ST8SIA6: variants seen among roughly 807,000 people sequenced by gnomAD.
ST8SIA6 encodes the protein ST8 alpha-N-acetyl-neuraminide alpha-2,8-sialyltransferase 6.
A neutral mutation model predicts 33.6 loss-of-function variants in ST8SIA6; 39 were observed. That is an observed-to-expected ratio of 1.16 (90% CI 0.90 to 1.52). ST8SIA6 has a LOEUF of 1.52. Ranked by LOEUF, ST8SIA6 falls within the 40% of genes most tolerant of loss-of-function variation. The pLI, the probability that ST8SIA6 is intolerant of heterozygous loss-of-function variation, is 0.00. For synonymous variants in ST8SIA6, 172 were observed against 167.2 expected (o/e 1.03, Z -0.22); for missense variants, 441 against 443.8 (o/e 0.99, Z 0.06).
At chr10:17,410,086 A>G (rs1851402506) in intron 2 of ST8SIA6, 1 of 152,202 alleles carries the variant, frequency 6.6e-6, no homozygotes, top group Admixed American at 6.5e-5. Flanking sequence ...CAGAATCCTA[A>G]TATGCTGGTT....
intron 2 of ST8SIA6, chr10:17,398,989 G>T (rs1850929648): frequency 6.6e-6 from 1 of 152,182 alleles, no homozygotes; most frequent in African/African-American, 2.4e-5. Flanking sequence ...AAGCATCGTA[G>T]TCTACTGCAT....
At chr10:17,402,897 A>C (rs1319940443) in intron 2 of ST8SIA6, among the ~76,000 whole-genome samples, 4 of 152,218 alleles carry the variant, frequency 2.6e-5, no homozygotes, top group Non-Finnish European at 5.9e-5. Context: ...CACATTATGC[A>C]CATGTACCCT....
At chr10:17,420,781 G>A (rs1380044288) in intron 2 of ST8SIA6, among the ~76,000 whole-genome samples, 1 of 152,190 alleles carries the variant, frequency 6.6e-6, no homozygotes, top group African/African-American at 2.4e-5. Flanking sequence ...AGAACTGCCT[G>A]AGACTGGGTA....
intron 2 of ST8SIA6, among the ~76,000 whole-genome samples, chr10:17,416,926 T>A (rs1490439694): frequency 1.3e-5 from 2 of 152,206 alleles, no homozygotes; most frequent in African/African-American, 4.8e-5. Context: ...ATAACCTGAC[T>A]TAGTAGGTCT....
rs117655833 is a variant in ST8SIA6 at position 17,384,184 on chromosome 10, G to C, written c.290+6347C>G. 9.3e-4 allele frequency among the ~76,000 whole-genome samples: 141 copies of C among 152,278 alleles called. 1 individual carries two copies. In the East Asian group the frequency reaches 0.017, roughly 18 times the overall value. The stretch of plus-strand genomic sequence containing the variant: ...ATTTTGTGTACACAGTCCCTGTACA[G>C]GGTTTCTGACCTGTGGTAAAAACAG... On this transcript the variant is annotated intron_variant, in intron 3 of 7. Coordinates refer to ENST00000377602, the MANE Select transcript of ST8SIA6 (RefSeq NM_001004470.3).
chr10:17,402,073 A>G (rs1387067706), intron 2 of ST8SIA6, among the ~76,000 whole-genome samples: 3 of 152,224 alleles, frequency 2.0e-5, no homozygotes, highest in Non-Finnish European at 2.9e-5. Context: ...AAAGAACACA[A>G]ACAAATTTAC....
chr10:17,350,369 G>T (rs1161644890), intron 4 of ST8SIA6, among the ~76,000 whole-genome samples: 2 of 147,414 alleles, frequency 1.4e-5, no homozygotes, highest in Non-Finnish European at 3.0e-5. Context: ...GAATCGACTG[G>T]CTCACAATGA....
intron 2 of ST8SIA6, among the ~76,000 whole-genome samples, chr10:17,427,103 GA>G (rs60070400): frequency 6.2e-4 from 83 of 133,534 alleles, no homozygotes; most frequent in African/African-American, 8.6e-4. Flanking sequence ...GACTGTGTCT[GA>G]AAAAAAAAAA....
chr10:17,424,105 CTTTT>C (rs112889595), intron 2 of ST8SIA6, among the ~76,000 whole-genome samples: 2 of 140,488 alleles, frequency 1.4e-5, no homozygotes, highest in Non-Finnish European at 1.6e-5. Context: ...TTTCCAAATT[CTTTT>C]TTTTTTTTTT....
At chr10:17,424,268 T>A (rs1851866443) in intron 2 of ST8SIA6, among the ~76,000 whole-genome samples, 1 of 152,086 alleles carries the variant, frequency 6.6e-6, no homozygotes, top group Non-Finnish European at 1.5e-5. Flanking sequence ...CATGCCCAGC[T>A]AATTTTTGTA....
chr10:17,327,819 A>C (rs1011057151), intron 5 of ST8SIA6, among the ~76,000 whole-genome samples: 9 of 151,692 alleles, frequency 5.9e-5, no homozygotes, highest in African/African-American at 2.2e-4. Context: ...AGGTAGGGGA[A>C]TCACTTGAAC....
At chr10:17,387,533 C>G (rs369741902) in intron 3 of ST8SIA6, among the ~76,000 whole-genome samples, 1 of 151,574 alleles carries the variant, frequency 6.6e-6, no homozygotes, top group East Asian at 1.9e-4. Context: ...TCCCAAAGTG[C>G]TAGGATTACA....
intron 3 of ST8SIA6, among the ~76,000 whole-genome samples, chr10:17,386,553 A>C (rs1183348034): frequency 1.3e-5 from 2 of 152,130 alleles, no homozygotes; most frequent in African/African-American, 4.8e-5. Flanking sequence ...AAGAAAGAAA[A>C]GCATGTAGTT....
At chr10:17,443,076 T>C (rs925100350) in intron 2 of ST8SIA6, among the ~76,000 whole-genome samples, 7 of 152,212 alleles carry the variant, frequency 4.6e-5, no homozygotes, top group African/African-American at 9.7e-5. Context: ...ACATGGTGTG[T>C]TGGATGGACT....
At chr10:17,442,817 A>G (rs1852549937) in intron 2 of ST8SIA6, among the ~76,000 whole-genome samples, 1 of 152,138 alleles carries the variant, frequency 6.6e-6, no homozygotes, top group African/African-American at 2.4e-5. Context: ...CACAACTATA[A>G]ACTCAGGCTA....
At chr10:17,405,420 AAT>A (rs1392084680) in intron 2 of ST8SIA6, among the ~76,000 whole-genome samples, 1 of 151,838 alleles carries the variant, frequency 6.6e-6, no homozygotes, top group Non-Finnish European at 1.5e-5. Flanking sequence ...AGCTGTATGA[AAT>A]ACATGATTTT....
At position 17,316,454 on chromosome 10, in the gene ST8SIA6, A is replaced by G. The variant is rs1400980449; in HGVS notation, c.*4424T>C. Among the ~76,000 whole-genome samples the G allele has an allele frequency of 1.3e-5, 2 of 152,122 alleles. No homozygotes were observed. Among genetic ancestry groups the G allele is most frequent in the South Asian group, 2.1e-4 (1 of 4,834 alleles). ...ATTTGTCTACTTACTACCGCAAACC[A>G]TAATGGAATAAATACCTTAATACTT... On this transcript the variant is annotated 3_prime_UTR_variant, in exon 8 of 8. Transcript: ENST00000377602.
chr10:17,404,064 CAAAAAAA>C (rs964237726), intron 2 of ST8SIA6, among the ~76,000 whole-genome samples: 1 of 56,592 alleles, frequency 1.8e-5, no homozygotes, highest in African/African-American at 6.2e-5. Context: ...GACACTGTCT[CAAAAAAA>C]AAAAAAAAAA....
chr10:17,420,235 A>T (rs958747866), intron 2 of ST8SIA6, among the ~76,000 whole-genome samples: 1 of 152,000 alleles, frequency 6.6e-6, no homozygotes, highest in Non-Finnish European at 1.5e-5. Flanking sequence ...ACACGGGGAA[A>T]CCCCGTCTCT....
Sources: allele counts gnomAD v4.1 joint callset (sites outside exome capture counted in the v4.1 genomes callset), GRCh38; gene constraint gnomAD v4.1.1; transcripts MANE v1.5; gene names NCBI Gene and HGNC (gene_info 2026-07-23, HGNC 2026-07-21).